NEO1: variants seen among roughly 807,000 people sequenced by gnomAD.
NEO1 encodes the protein neogenin 1, also known as neogenin.
Under a neutral mutation model 159.7 loss-of-function variants are expected in NEO1, and 63 were observed. The ratio of observed to expected loss-of-function variants is 0.39; its 90% CI spans 0.32 to 0.49. NEO1 has a LOEUF of 0.49. Among genes scored for constraint, NEO1 ranks in the 20% least tolerant of loss-of-function variants. The pLI, the probability that NEO1 is intolerant of heterozygous loss-of-function variation, is 0.85. For synonymous variants in NEO1, 633 were observed against 662.0 expected (o/e 0.96, Z 0.67); for missense variants, 1,615 against 1,831.0 (o/e 0.88, Z 2.15).
At chr15:73,104,334 A>G (rs1322062061) in intron 1 of NEO1, among the ~76,000 whole-genome samples, 1 of 152,134 alleles carries the variant, frequency 6.6e-6, no homozygotes, top group Non-Finnish European at 1.5e-5. Context: ...TATTGTTCAA[A>G]CCCTTCAAAT....
At chr15:73,156,639 G>C (rs888284767) in intron 5 of NEO1, among the ~76,000 whole-genome samples, 2 of 152,192 alleles carry the variant, frequency 1.3e-5, no homozygotes, top group Admixed American at 6.5e-5. Context: ...CCAGTAGGTG[G>C]CACTTGCAGG....
At chr15:73,158,425 A>T (rs926117397) in intron 5 of NEO1, among the ~76,000 whole-genome samples, 8 of 151,790 alleles carry the variant, frequency 5.3e-5, no homozygotes, top group Non-Finnish European at 1.0e-4. Flanking sequence ...TTGAGACAGG[A>T]TCTCACTCTG....
intron 7 of NEO1, among the ~76,000 whole-genome samples, chr15:73,187,610 A>G (rs1294150067): frequency 2.0e-5 from 3 of 152,184 alleles, no homozygotes; most frequent in Non-Finnish European, 4.4e-5. Context: ...CTCTGCTATT[A>G]TAAGTTTGAA....
chr15:73,299,820 G>A (rs1252627329), intron 27 of NEO1: 1 of 152,128 alleles, frequency 6.6e-6, no homozygotes, highest in African/African-American at 2.4e-5. Context: ...TTGCAATATG[G>A]TGTTTTGGTT....
At chr15:73,219,119 T>G (rs1307287308) in intron 7 of NEO1, among the ~76,000 whole-genome samples, 5 of 151,838 alleles carry the variant, frequency 3.3e-5, no homozygotes, top group Non-Finnish European at 7.4e-5. Flanking sequence ...TCTGGTATGT[T>G]GTGTCTTTGT....
intron 1 of NEO1, among the ~76,000 whole-genome samples, chr15:73,095,544 C>A (rs2069970267): frequency 6.6e-6 from 1 of 152,096 alleles, no homozygotes; most frequent in African/African-American, 2.4e-5. Flanking sequence ...CTTTCACCAA[C>A]AATTTTATTG....
At chr15:73,247,660 T>A (rs2039865655) in intron 9 of NEO1, among the ~76,000 whole-genome samples, 1 of 152,220 alleles carries the variant, frequency 6.6e-6, no homozygotes, top group South Asian at 2.1e-4. Context: ...GTGTTTTACA[T>A]TTTGTTAGCT....
At chr15:73,066,342 T>TTA (rs1555420601) in intron 1 of NEO1, among the ~76,000 whole-genome samples, 41 of 145,806 alleles carry the variant, frequency 2.8e-4, no homozygotes, top group African/African-American at 7.7e-4. Context: ...TTTTTTTTTT[T>TTA]AAATAGTTTG....
At chr15:73,187,725 G>A (rs1273962684) in intron 7 of NEO1, among the ~76,000 whole-genome samples, 3 of 152,066 alleles carry the variant, frequency 2.0e-5, no homozygotes, top group Non-Finnish European at 1.5e-5. Context: ...TTGGCCTGTG[G>A]GCACAGTTTG....
chr15:73,297,482 T>G (rs749517127), intron 26 of NEO1, among the ~76,000 whole-genome samples: 1 of 152,220 alleles, frequency 6.6e-6, no homozygotes, highest in African/African-American at 2.4e-5. Context: ...CCTCAAAGAA[T>G]TATGTGTTAT....
intron 9 of NEO1, 37 bp from the exon 10 acceptor site, chr15:73,249,023 T>G (rs145200989): frequency 0.023 from 37,137 of 1,609,140 alleles, 676 homozygotes; most frequent in Admixed American, 0.079. Flanking sequence ...GTGTAGCATT[T>G]CATTTATATC....
intron 3 of NEO1, among the ~76,000 whole-genome samples, chr15:73,124,613 C>A (rs1262999578): frequency 1.3e-5 from 2 of 152,138 alleles, no homozygotes; most frequent in Non-Finnish European, 2.9e-5. Flanking sequence ...TCCTCAGATA[C>A]CTGCCTGGGT....
chr15:73,070,047 A>G (rs1194418890), intron 1 of NEO1, among the ~76,000 whole-genome samples: 1 of 152,224 alleles, frequency 6.6e-6, no homozygotes, highest in African/African-American at 2.4e-5. Context: ...GGCATGGGGA[A>G]AACAAGGTTA....
chr15:73,222,644 T>C (rs1342749427), intron 7 of NEO1, among the ~76,000 whole-genome samples: 1 of 152,186 alleles, frequency 6.6e-6, no homozygotes, highest in African/African-American at 2.4e-5. Flanking sequence ...ATTTTCTCTT[T>C]TCTTGGTTAA....
intron 1 of NEO1, among the ~76,000 whole-genome samples, chr15:73,073,827 A>C (rs1166646547): frequency 1.3e-5 from 2 of 152,150 alleles, no homozygotes; most frequent in African/African-American, 4.8e-5. Flanking sequence ...ATTTAACAGG[A>C]TTGTAAATTA....
At chr15:73,148,447 C>T (rs1352995790) in intron 5 of NEO1, among the ~76,000 whole-genome samples, 1 of 152,116 alleles carries the variant, frequency 6.6e-6, no homozygotes, top group Admixed American at 6.6e-5. Context: ...AACTAAAGAG[C>T]TCCAAAGTGG....
chr15:73,136,033 T>C lies in NEO1; in HGVS notation c.1015+6T>C, dbSNP rs72741418. 8.0e-5 allele frequency: 127 copies of C among 1,590,464 alleles called. No homozygotes were observed. The highest frequency in any genetic ancestry group is 9.8e-5 in the Non-Finnish European group (115 of 1,172,894). On this transcript the variant is annotated splice_donor_region_variant and intron_variant, in intron 5 of 28. Coordinates refer to ENST00000261908, the MANE Select transcript of NEO1 (RefSeq NM_002499.4). ...AGCAGAGCTTACAGTGCAAGGTATG[T>C]AAATATTTACTGTATAATTTAAAAA... is the stretch of plus-strand genomic sequence containing the variant.
At chr15:73,086,633 T>C (rs1007994470) in intron 1 of NEO1, among the ~76,000 whole-genome samples, 11 of 148,952 alleles carry the variant, frequency 7.4e-5, no homozygotes, top group Admixed American at 1.4e-4. Flanking sequence ...GCACAATCTC[T>C]GCTCACTGCA....
Position 73,246,082 on chromosome 15 carries a change from G to A in NEO1, c.1606+1584G>A, listed in dbSNP as rs114908968. Among the ~76,000 whole-genome samples the A allele has an allele frequency of 1.8e-3, 276 of 152,246 alleles. 1 individual carries two copies. The highest frequency in any genetic ancestry group is 6.4e-3 in the African/African-American group (268 of 41,554). ...AAATAATTTAAGAACTTTACCTGACGGGTAGAATAAGTGAAGAAGCTGTAG... is the reference window on the plus strand; with the variant it reads ...AAATAATTTAAGAACTTTACCTGACAGGTAGAATAAGTGAAGAAGCTGTAG... On this transcript the variant is annotated intron_variant, in intron 9 of 28. Transcript: ENST00000261908.
Sources: gnomAD v4.1 joint callset for allele counts (sites outside exome capture counted in the v4.1 genomes callset) on GRCh38, gnomAD v4.1.1 for gene constraint, MANE v1.5 for transcripts, NCBI Gene and HGNC (gene_info 2026-07-23, HGNC 2026-07-21) for gene names.